RCAN2: variants seen among roughly 807,000 people sequenced by gnomAD.
The protein encoded by RCAN2 is calcipressin-2.
Under a neutral mutation model 23.6 loss-of-function variants are expected in RCAN2, and 9 were observed. That is an observed-to-expected ratio of 0.38 (90% CI 0.23 to 0.67). The LOEUF (loss-of-function observed/expected upper bound fraction) is 0.67. Among genes scored for constraint, RCAN2 ranks in the 30% least tolerant of loss-of-function variants. RCAN2 has a pLI of 0.51. For synonymous variants in RCAN2, 109 were observed against 115.7 expected, an observed-to-expected ratio of 0.94 and a Z score of 0.37; for missense variants, 273 against 302.3, an observed-to-expected ratio of 0.90 and a Z score of 0.72.
At chr6:46,261,410 C>T (rs1413123862) in intron 2 of RCAN2, among the ~76,000 whole-genome samples, 3 of 152,158 alleles carry the variant, frequency 2.0e-5, no homozygotes, top group Non-Finnish European at 4.4e-5. Flanking sequence ...ATGACAGTAT[C>T]TACCTCATAG....
chr6:46,472,063 G>T (rs1768572570), intron 1 of RCAN2, among the ~76,000 whole-genome samples: 1 of 152,120 alleles, frequency 6.6e-6, no homozygotes, highest in Non-Finnish European at 1.5e-5. Context: ...CACTCTAAAG[G>T]CTACAAAGGG....
rs192050129 is a variant in RCAN2 at position 46,385,984 on chromosome 6, C to A, written c.225+70768G>T. On this transcript the variant is annotated intron_variant, in intron 2 of 4. Coordinates refer to ENST00000371374, the MANE Select transcript of RCAN2 (RefSeq NM_001251974.2). ...GGGCAAAGATTTCATGATGAAAATG[C>A]CAAAAGCAATTGCAACACATGCAAA... Among the ~76,000 whole-genome samples the A allele has an allele frequency of 2.1e-3, 320 of 151,786 alleles. 2 individuals carry two copies. The highest frequency in any genetic ancestry group is 7.3e-3 in the African/African-American group (300 of 41,376).
intron 4 of RCAN2, among the ~76,000 whole-genome samples, chr6:46,229,360 A>C (rs1765793687): frequency 6.6e-6 from 1 of 152,140 alleles, no homozygotes; most frequent in African/African-American, 2.4e-5. Context: ...TATCCTGAAG[A>C]GTGTTTTCCA....
At chr6:46,369,835 C>T (rs1409779464) in intron 2 of RCAN2, among the ~76,000 whole-genome samples, 5 of 152,096 alleles carry the variant, frequency 3.3e-5, no homozygotes, top group Non-Finnish European at 7.4e-5. Context: ...ACGACAAGAG[C>T]AGCTAATCAC....
intron 2 of RCAN2, among the ~76,000 whole-genome samples, chr6:46,354,166 C>T (rs1434874105): frequency 1.3e-5 from 2 of 150,636 alleles, no homozygotes; most frequent in Admixed American, 1.3e-4. Flanking sequence ...ATGTGGTCTG[C>T]ACTTGCACAC....
Position 46,222,277 on chromosome 6 carries a change from A to T in RCAN2, c.*864T>A, listed in dbSNP as rs1354243973. On this transcript the variant is annotated 3_prime_UTR_variant, in exon 5 of 5. Transcript: ENST00000371374. The stretch of plus-strand genomic sequence containing the variant: ...CAATCACTAAATAAAAAACATCCAG[A>T]TTTTTTAAAAGCACAGCTGAAACAT... 2 of 290,822 alleles carry T rather than the reference A, an allele frequency of 6.9e-6. No homozygotes were observed. Among genetic ancestry groups the T allele is most frequent in the East Asian group, 1.1e-4 (2 of 17,972 alleles). 18.0% of individuals were successfully genotyped at this position (290,822 alleles called of 1,614,324 possible).
At chr6:46,421,408 A>G (rs1198383768) in intron 2 of RCAN2, among the ~76,000 whole-genome samples, 6 of 152,208 alleles carry the variant, frequency 3.9e-5, no homozygotes, top group African/African-American at 1.4e-4. Flanking sequence ...AAAAACGCCA[A>G]AAGGATGATT....
At chr6:46,445,939 G>A (rs1018286939) in intron 2 of RCAN2, among the ~76,000 whole-genome samples, 1 of 152,032 alleles carries the variant, frequency 6.6e-6, no homozygotes, top group Non-Finnish European at 1.5e-5. Context: ...AGCATCACAA[G>A]CAAGTATTCA....
chr6:46,362,506 G>T (rs1213397653), intron 2 of RCAN2, among the ~76,000 whole-genome samples: 1 of 152,082 alleles, frequency 6.6e-6, no homozygotes, highest in Non-Finnish European at 1.5e-5. Flanking sequence ...TCCTCAAGGG[G>T]TGGCAACCTT....
At chr6:46,414,007 T>C (rs1435635371) in intron 2 of RCAN2, among the ~76,000 whole-genome samples, 1 of 152,062 alleles carries the variant, frequency 6.6e-6, no homozygotes, top group East Asian at 1.9e-4. Flanking sequence ...CTTGTGTAGA[T>C]TTAGCAGAGA....
At chr6:46,281,998 A>G (rs1046399042) in intron 2 of RCAN2, among the ~76,000 whole-genome samples, 6 of 152,154 alleles carry the variant, frequency 3.9e-5, no homozygotes, top group African/African-American at 1.2e-4. Context: ...AGTACCACCT[A>G]TACTGGAAGC....
chr6:46,234,970 C>A (rs1448762627), intron 4 of RCAN2, among the ~76,000 whole-genome samples: 1 of 152,146 alleles, frequency 6.6e-6, no homozygotes, highest in Non-Finnish European at 1.5e-5. Flanking sequence ...AACTTGGTGA[C>A]ATGGTACAAC....
chr6:46,272,829 G>T (rs964243647), intron 2 of RCAN2, among the ~76,000 whole-genome samples: 1 of 152,174 alleles, frequency 6.6e-6, no homozygotes. Flanking sequence ...CAGATACTTT[G>T]TTGTAAAAGT....
intron 1 of RCAN2, 96 bp downstream of exon 1, chr6:46,491,077 C>G (rs1464926003): frequency 1.3e-5 from 2 of 150,588 alleles, no homozygotes; most frequent in Non-Finnish European, 3.0e-5. Flanking sequence ...AGACCAGATC[C>G]CCGCCGCGGA....
At chr6:46,469,781 C>T (rs747255750) in intron 1 of RCAN2, among the ~76,000 whole-genome samples, 1 of 152,082 alleles carries the variant, frequency 6.6e-6, no homozygotes, top group Non-Finnish European at 1.5e-5. Flanking sequence ...AGAGGTGGGG[C>T]CTTTAAGAAG....
At chr6:46,374,466 GTAGTATAATTA>G (rs1410105497) in intron 2 of RCAN2, among the ~76,000 whole-genome samples, 1 of 152,070 alleles carries the variant, frequency 6.6e-6, no homozygotes, top group Non-Finnish European at 1.5e-5. Context: ...TCCACAGAAC[GTAGTATAATTA>G]TATTGCCATT....
intron 2 of RCAN2, among the ~76,000 whole-genome samples, chr6:46,358,875 G>A (rs767945072): frequency 5.9e-5 from 9 of 152,148 alleles, no homozygotes; most frequent in Non-Finnish European, 8.8e-5. Context: ...CATTGGTGTC[G>A]TTTAAAGCTG....
intron 2 of RCAN2, among the ~76,000 whole-genome samples, chr6:46,386,610 CAA>C (rs142110760): frequency 1.3e-3 from 123 of 91,682 alleles, no homozygotes; most frequent in Non-Finnish European, 3.2e-4. Context: ...CTCTGTCTCA[CAA>C]AAAAAAAAAA....
chr6:46,491,968 T>A (rs1360377188), upstream of RCAN2: 1 of 152,360 alleles, frequency 6.6e-6, no homozygotes, highest in Non-Finnish European at 1.5e-5. Context: ...GCTGGCGCCC[T>A]CTGGCTGGAG....
Sources: gnomAD v4.1 joint callset for allele counts (sites outside exome capture counted in the v4.1 genomes callset) on GRCh38, gnomAD v4.1.1 for gene constraint, MANE v1.5 for transcripts, NCBI Gene and HGNC (gene_info 2026-07-23, HGNC 2026-07-21) for gene names.